Variants in NUTF2 observed in about 807,000 individuals in gnomAD.
NUTF2 encodes the protein placental protein 15.
Under a neutral mutation model 18.5 loss-of-function variants are expected in NUTF2, and 3 were observed. The ratio of observed to expected loss-of-function variants is 0.16; its 90% CI spans 0.07 to 0.42. The LOEUF is 0.42. Among genes scored for constraint, NUTF2 ranks in the 10% least tolerant of loss-of-function variants. NUTF2 has a pLI of 0.99. For synonymous variants in NUTF2, 51 were observed against 57.9 expected, an observed-to-expected ratio of 0.88 and a Z score of 0.54; for missense variants, 44 against 160.7, an observed-to-expected ratio of 0.27 and a Z score of 3.93.
Position 67,871,162 on chromosome 16 carries a change from CTTT to C in NUTF2, c.*269_*271del, listed in dbSNP as rs1208303500. The C allele has an allele frequency of 0.01, 1,550 of 150,552 alleles. No individual in the cohort carries two copies. The highest frequency in any genetic ancestry group is 0.022 in the Middle Eastern group (9 of 402). The allele number at this position is 150,552 out of a possible 1,614,324, so 9.3% of individuals were successfully genotyped here. On this transcript the variant is annotated 3_prime_UTR_variant, in exon 5 of 5. Coordinates refer to ENST00000219169, the MANE Select transcript of NUTF2 (RefSeq NM_005796.3). ...GACTTAAGTAATGCAAAAGGTTGTC[CTTT>C]TTTTTTTTTTTTTTTTTTTAATCTA...
At chr16:67,858,655 A>T (rs575522334) in intron 1 of NUTF2, among the ~76,000 whole-genome samples, 2 of 152,302 alleles carry the variant, frequency 1.3e-5, no homozygotes, top group South Asian at 4.1e-4. Context: ...GCCTGGTGCA[A>T]CTGTAGAGGA....
intron 4 of NUTF2, 101 bp from the exon 5 acceptor site, chr16:67,870,699 C>A (rs1038694678): frequency 6.9e-6 from 6 of 873,276 alleles, no homozygotes; most frequent in Non-Finnish European, 1.2e-5. Flanking sequence ...GACAGTAGGG[C>A]CTGATCCTAA....
intron 1 of NUTF2, chr16:67,847,274 C>G (rs1252147025): frequency 6.6e-6 from 1 of 152,234 alleles, no homozygotes; most frequent in Non-Finnish European, 1.5e-5. Context: ...GCCTTTTTCT[C>G]TAGTCAGGAC....
chr16:67,862,536 A>G (rs1403999486), intron 1 of NUTF2, among the ~76,000 whole-genome samples: 1 of 152,060 alleles, frequency 6.6e-6, no homozygotes, highest in East Asian at 1.9e-4. Context: ...GAGTTTTTGT[A>G]TCAGAAAGTT....
At chr16:67,856,492 G>GTT (rs34691084) in intron 1 of NUTF2, among the ~76,000 whole-genome samples, 45 of 129,406 alleles carry the variant, frequency 3.5e-4, no homozygotes, top group Admixed American at 3.9e-4. Flanking sequence ...CCCTGGCCCA[G>GTT]TTTTTTTTTT....
chr16:67,859,210 C>A (rs1351151105), intron 1 of NUTF2, among the ~76,000 whole-genome samples: 1 of 152,020 alleles, frequency 6.6e-6, no homozygotes, highest in Non-Finnish European at 1.5e-5. Context: ...GATGGAGTCT[C>A]ACTCTGTTGC....
At chr16:67,852,312 G>T (rs1366836483) in intron 1 of NUTF2, among the ~76,000 whole-genome samples, 1 of 151,892 alleles carries the variant, frequency 6.6e-6, no homozygotes, top group Non-Finnish European at 1.5e-5. Flanking sequence ...CCAAAAAAAA[G>T]GCTAGGTTTC....
In NUTF2 at chr16:67,872,170, C is replaced by T. The variant is rs2058018323; in HGVS notation, c.*1257C>T. On this transcript the variant is annotated 3_prime_UTR_variant, in exon 5 of 5. Transcript: ENST00000219169. ...CCACAGACTTCTGGATGGTATAAAC[C>T]TAGTGGCAATGTAGCAACCATAGGC... 6.6e-6 allele frequency: 1 copy of T among 152,272 alleles called. No homozygotes were observed. The highest frequency in any genetic ancestry group is 6.5e-5 in the Admixed American group (1 of 15,288). The allele number at this position is 152,272 out of a possible 1,614,324, so 9.4% of individuals were successfully genotyped here.
In NUTF2 at chr16:67,860,542, A is replaced by G. The variant is rs565734806; in HGVS notation, c.-29-4560A>G. On this transcript the variant is annotated intron_variant, in intron 1 of 4. Transcript: ENST00000219169. Reference sequence around the variant, plus strand: ...TGCGTGGGCCTCCCAAAGTGCTGAGATTACAGATGTGAGCTACTATGCCCA... The same window carrying G: ...TGCGTGGGCCTCCCAAAGTGCTGAGGTTACAGATGTGAGCTACTATGCCCA... Among the ~76,000 whole-genome samples, 9 of 152,358 alleles carry G rather than the reference A, an allele frequency of 5.9e-5. No homozygotes were observed. In the South Asian group the frequency reaches 1.9e-3, roughly 32 times the overall value.
intron 1 of NUTF2, among the ~76,000 whole-genome samples, chr16:67,854,564 G>A (rs747005904): frequency 6.6e-6 from 1 of 152,212 alleles, no homozygotes; most frequent in Non-Finnish European, 1.5e-5. Flanking sequence ...GACCATTTTC[G>A]TTGAGGCCTC....
At chr16:67,853,271 A>G (rs2057873151) in intron 1 of NUTF2, among the ~76,000 whole-genome samples, 1 of 152,146 alleles carries the variant, frequency 6.6e-6, no homozygotes, top group African/African-American at 2.4e-5. Context: ...AGGTCACTGC[A>G]GCCTTGACCT....
chr16:67,870,856 C>T lies in NUTF2; in HGVS notation c.327C>T (p.Asn109=), dbSNP rs567238959. 39 of 1,613,978 alleles carry T rather than the reference C, an allele frequency of 2.4e-5. No homozygotes were observed. The Middle Eastern group carries it at 9.9e-4, about 41-fold the overall frequency. The part of the protein sequence containing the change: ...FHQMFLLKNI[N]DAWVCTNDMF... ...AGATGTTCCTATTAAAGAACATCAA[C>T]GATGCTTGGGTTTGCACCAATGACA... is the stretch of plus-strand genomic sequence containing the variant. The change falls in exon 5 of 5, where the codon AAC becomes AAT. Residue 109 remains asparagine, a synonymous_variant. Coordinates refer to ENST00000219169, the MANE Select transcript of NUTF2 (RefSeq NM_005796.3).
At chr16:67,851,637 C>T (rs1203482373) in intron 1 of NUTF2, among the ~76,000 whole-genome samples, 1 of 152,066 alleles carries the variant, frequency 6.6e-6, no homozygotes, top group African/African-American at 2.4e-5. Flanking sequence ...AGGTGTATCT[C>T]CTAATGCTAT....
chr16:67,866,605 A>G (rs766209829), intron 2 of NUTF2, among the ~76,000 whole-genome samples: 5 of 152,084 alleles, frequency 3.3e-5, no homozygotes, highest in Non-Finnish European at 5.9e-5. Context: ...ATCTGGGACT[A>G]CAGGCACGTG....
At chr16:67,855,939 G>A in intron 1 of NUTF2, 4 of 872,326 alleles carry the variant, frequency 4.6e-6, no homozygotes, top group Non-Finnish European at 7.1e-6. Context: ...TGCGGGGAGT[G>A]GGCAGATGTC....
intron 1 of NUTF2, among the ~76,000 whole-genome samples, chr16:67,854,029 C>T (rs1401895029): frequency 2.0e-5 from 3 of 152,192 alleles, no homozygotes; most frequent in Non-Finnish European, 4.4e-5. Context: ...CAGCTCACTA[C>T]AGCCTCTGCC....
chr16:67,865,864 G>T (rs934673919), intron 2 of NUTF2, among the ~76,000 whole-genome samples: 1 of 151,902 alleles, frequency 6.6e-6, no homozygotes, highest in African/African-American at 2.4e-5. Context: ...GATTACAGGC[G>T]CCTGCCCCCA....
chr16:67,858,001 AGTTT>A (rs2057909080), intron 1 of NUTF2, among the ~76,000 whole-genome samples: 4 of 152,130 alleles, frequency 2.6e-5, no homozygotes, highest in South Asian at 4.1e-4. Context: ...GTCAACAAAT[AGTTT>A]GTTTGAGGGC....
At chr16:67,870,502 G>T in intron 4 of NUTF2, 1 of 363,798 alleles carries the variant, frequency 2.7e-6, no homozygotes, top group Non-Finnish European at 5.0e-6. Flanking sequence ...GGAGATATGT[G>T]CTTGGAGGCA....
Sources: allele counts gnomAD v4.1 joint callset (sites outside exome capture counted in the v4.1 genomes callset), GRCh38; gene constraint gnomAD v4.1.1; transcripts MANE v1.5; gene names NCBI Gene and HGNC (gene_info 2026-07-23, HGNC 2026-07-21).